The following DEFB124 variants were observed in gnomAD, a reference collection of about 807,000 sequenced individuals.
DEFB124 encodes the protein beta-defensin 124.
For synonymous variants in DEFB124, 38 were observed against 36.5 expected, an observed-to-expected ratio of 1.04 and a Z score of -0.15; for missense variants, 78 against 83.1, an observed-to-expected ratio of 0.94 and a Z score of 0.24.
At chr20:31,471,207 G>A (rs1396037221) in intron 2 of DEFB124, among the ~76,000 whole-genome samples, 9 of 137,612 alleles carry the variant, frequency 6.5e-5, no homozygotes, top group African/African-American at 1.4e-4. Flanking sequence ...CCTCCCTCCC[G>A]GACGGGGTGG....
At chr20:31,473,952 G>C (rs962207276) in intron 1 of DEFB124, among the ~76,000 whole-genome samples, 1 of 152,210 alleles carries the variant, frequency 6.6e-6, no homozygotes, top group Non-Finnish European at 1.5e-5. Flanking sequence ...AATCTAAGTT[G>C]CATCATGAAA....
intron 2 of DEFB124, among the ~76,000 whole-genome samples, chr20:31,470,760 C>T (rs1213917574): frequency 3.0e-5 from 4 of 132,590 alleles, no homozygotes; most frequent in Non-Finnish European, 4.9e-5. Flanking sequence ...AGGGGCTCCT[C>T]ACTTCCCAGT....
chr20:31,468,233 C>T (rs1026992073), intron 2 of DEFB124, among the ~76,000 whole-genome samples: 3 of 152,226 alleles, frequency 2.0e-5, no homozygotes, highest in Non-Finnish European at 4.4e-5. Flanking sequence ...TGTTCAAACC[C>T]ATCCATCACC....
At chr20:31,470,066 ACGGGC>A in intron 2 of DEFB124, among the ~76,000 whole-genome samples, 1 of 94,404 alleles carries the variant, frequency 1.1e-5, no homozygotes, top group Admixed American at 9.9e-5. Flanking sequence ...GGGCGGCTGG[ACGGGC>A]AGGGGGCTGA....
chr20:31,470,797 C>A, intron 2 of DEFB124, among the ~76,000 whole-genome samples: 1 of 123,926 alleles, frequency 8.1e-6, no homozygotes, highest in African/African-American at 3.1e-5. Flanking sequence ...AGGCGCCCCT[C>A]ACCTCCCGGA....
chr20:31,467,618 C>A (rs1275333296), intron 2 of DEFB124, among the ~76,000 whole-genome samples: 1 of 152,304 alleles, frequency 6.6e-6, no homozygotes, highest in Admixed American at 6.5e-5. Flanking sequence ...CTGGAACAAC[C>A]AGGACCCATT....
At chr20:31,471,171 G>C (rs1980280100) in intron 2 of DEFB124, among the ~76,000 whole-genome samples, 1 of 136,680 alleles carries the variant, frequency 7.3e-6, no homozygotes, top group South Asian at 2.4e-4. Context: ...CGAGGCGGCT[G>C]GCTGGGCGGG....
chr20:31,471,425 C>A (rs1980298839), intron 2 of DEFB124, among the ~76,000 whole-genome samples: 3 of 128,588 alleles, frequency 2.3e-5, no homozygotes, highest in South Asian at 2.5e-4. Context: ...CCCCCCACCT[C>A]CCTCCCGGAC....
chr20:31,467,230 A>G (rs1980105330), intron 2 of DEFB124, among the ~76,000 whole-genome samples: 1 of 152,214 alleles, frequency 6.6e-6, no homozygotes, highest in African/African-American at 2.4e-5. Flanking sequence ...AACACATCCC[A>G]TGTAATCCTC....
chr20:31,467,735 A>C (rs1980116953), intron 2 of DEFB124, among the ~76,000 whole-genome samples: 2 of 151,986 alleles, frequency 1.3e-5, no homozygotes, highest in Non-Finnish European at 2.9e-5. Flanking sequence ...CCTAGCTCCC[A>C]GGTGAGGACA....
At chr20:31,474,350 A>G (rs1980415700) in intron 1 of DEFB124, among the ~76,000 whole-genome samples, 2 of 152,184 alleles carry the variant, frequency 1.3e-5, no homozygotes, top group African/African-American at 4.8e-5. Flanking sequence ...CACGGAAGGA[A>G]GCCAGGCACG....
chr20:31,471,890 C>A (rs1162646882), intron 2 of DEFB124, among the ~76,000 whole-genome samples: 2,447 of 150,682 alleles, frequency 0.016, 51 homozygotes, highest in African/African-American at 0.057. Flanking sequence ...GGGATGGCGG[C>A]GGGGCAGAGA....
chr20:31,473,014 G>T lies in DEFB124; in HGVS notation c.-1C>A, dbSNP rs1275435275. ...CAAGGAACAGAAGCAGCTGTGTCAT[G>T]GCCACGGGGCTCCTGGGGAGGCTGC... On this transcript the variant is annotated 5_prime_UTR_variant, in exon 2 of 3. Transcript: ENST00000317676. 4 of 1,613,994 alleles carry T rather than the reference G, an allele frequency of 2.5e-6. No homozygotes were observed. The highest frequency in any genetic ancestry group is 2.5e-6 in the Non-Finnish European group (3 of 1,179,988).
At chr20:31,472,508 T>A (rs1411367283) in intron 2 of DEFB124, 1 of 155,304 alleles carries the variant, frequency 6.4e-6, no homozygotes, top group East Asian at 1.9e-4. Flanking sequence ...AGACCTTCTC[T>A]GTCCATCCTC....
At chr20:31,472,216 C>T (rs1286548782) in intron 2 of DEFB124, among the ~76,000 whole-genome samples, 1 of 151,620 alleles carries the variant, frequency 6.6e-6, no homozygotes, top group Non-Finnish European at 1.5e-5. Context: ...GCCCGGCCAA[C>T]ACAGCGAAAC....
rs746201611 is a variant in DEFB124, at chr20:31,470,606, A to ACCCC, written c.58+2346_58+2349dup. 4.5e-4 allele frequency among the ~76,000 whole-genome samples: 11 copies of ACCCC among 24,354 alleles called. 1 individual carries two copies. The highest frequency in any genetic ancestry group is 8.1e-4 in the Non-Finnish European group (11 of 13,606). The allele number at this position is 24,354 out of a possible 152,430, so 16.0% of individuals were successfully genotyped here. On this transcript the variant is annotated intron_variant, in intron 2 of 2. Coordinates refer to ENST00000317676, the MANE Select transcript of DEFB124 (RefSeq NM_001037500.2). ...GGGCGGCTGGCCGGGCGGGGGGCTG[A>ACCCC]CCCCCCCCCCCACCTCCCTCCCGGA...
At chr20:31,473,112 C>A in intron 1 of DEFB124, 74 bp from the exon 2 acceptor site, 1 of 1,337,202 alleles carries the variant, frequency 7.5e-7, no homozygotes, top group South Asian at 1.3e-5. Flanking sequence ...TATTGAGCTG[C>A]AGATGAAGGC....
In DEFB124 at chr20:31,472,679, T is replaced by G. The variant is rs1401011651; in HGVS notation, c.58+277A>C. ...AGCTGCATGAAAGCAAGGACCTTCT[T>G]TTCTTTCACTGCTACATGTCTTTCA... On this transcript the variant is annotated intron_variant, in intron 2 of 2. Coordinates refer to ENST00000317676, the MANE Select transcript of DEFB124 (RefSeq NM_001037500.2). 7 of 399,786 alleles carry G rather than the reference T, an allele frequency of 1.8e-5. No individual in the cohort carries two copies. The East Asian group carries it at 2.9e-4, about 16-fold the overall frequency. 24.8% of individuals were successfully genotyped at this position (399,786 alleles called of 1,614,324 possible).
chr20:31,465,562 A>C lies in DEFB124; in HGVS notation c.160T>G (p.Cys54Gly). The change falls in exon 3 of 3, where the codon TGC (cysteine) becomes GGC (glycine). Residue 54 changes from cysteine to glycine, a missense_variant. Physicochemically the swap from Cys to Gly is radical, Grantham distance 159. Transcript: ENST00000317676. The part of the protein sequence containing the change: ...YMHLCPDASL[C>G]CLSYALKPPP... ...GGTTTCAATGCATAGGAGAGACAGC[A>C]CAGGGACGCATCCGGGCACAGGTGC... The C allele has an allele frequency of 6.2e-7, 1 of 1,614,214 alleles. No homozygotes were observed. The highest frequency in any genetic ancestry group is 8.5e-7 in the Non-Finnish European group (1 of 1,180,038).
Sources: allele counts gnomAD v4.1 joint callset (sites outside exome capture counted in the v4.1 genomes callset), GRCh38; gene constraint gnomAD v4.1.1; transcripts MANE v1.5; gene names NCBI Gene and HGNC (gene_info 2026-07-23, HGNC 2026-07-21).